The following ST18 variants were observed in gnomAD, a reference collection of about 807,000 sequenced individuals.
ST18 encodes suppression of tumorigenicity 18 protein.
A neutral mutation model predicts 110.0 loss-of-function variants in ST18; 50 were observed. The observed-to-expected ratio is 0.45, with a 90% confidence interval of 0.36 to 0.58. The LOEUF (loss-of-function observed/expected upper bound fraction) is 0.58, where lower values mean the gene tolerates loss of function less well. ST18 is among the 20% of genes least tolerant of loss of function. The probability of loss-of-function intolerance (pLI) is 0.00; values close to 1 mark genes in which losing one functional copy is unlikely to be tolerated. For synonymous variants in ST18, 461 were observed against 452.4 expected (o/e 1.02, Z -0.24); for missense variants, 1,306 against 1,280.1 (o/e 1.02, Z -0.31).
At chr8:52,342,071 G>A (rs754103054) in intron 2 of ST18, among the ~76,000 whole-genome samples, 2 of 152,186 alleles carry the variant, frequency 1.3e-5, no homozygotes, top group Non-Finnish European at 2.9e-5. Flanking sequence ...ACTTTTTAGT[G>A]TTCCTAAGAG....
rs2049922808 is a variant in ST18, at chr8:52,132,164, C to T, written c.2460G>A (p.Gly820=). 1 of 1,612,508 alleles carries T rather than the reference C, an allele frequency of 6.2e-7. No homozygotes were observed. Residue 820 remains glycine (G), a synonymous_variant, in exon 22 of 26, where the codon GGG becomes GGA. Transcript: ENST00000689386. ...CTGATATGTGACCTTGGCCATCACA[C>T]CCTATCACAGGACATCTAGAGAGAA... ...EDPELKCPVI[G]CDGQGHISGK...
chr8:52,339,959 G>GT (rs375188179), intron 2 of ST18, among the ~76,000 whole-genome samples: 74 of 152,264 alleles, frequency 4.9e-4, no homozygotes, highest in African/African-American at 1.7e-3. Flanking sequence ...GCTGTTTTCC[G>GT]TAAGTTACAT....
At position 52,204,025 on chromosome 8, in the gene ST18, C is replaced by T. The variant is rs2079027752; in HGVS notation, c.86+8054G>A. Among the ~76,000 whole-genome samples the T allele has an allele frequency of 3.3e-5, 5 of 152,180 alleles. No homozygotes were observed. In the South Asian group the frequency reaches 6.2e-4, roughly 19 times the overall value. ...AAAATAGCATCTTAAAAGTCTCCTT[C>T]CTTAAACTCTCATTTCTGATACATG... On this transcript the variant is annotated intron_variant, in intron 8 of 25. Coordinates refer to ENST00000689386, the MANE Select transcript of ST18 (RefSeq NM_001352837.2).
At chr8:52,368,522 T>G (rs967700616) in intron 2 of ST18, among the ~76,000 whole-genome samples, 1 of 152,188 alleles carries the variant, frequency 6.6e-6, no homozygotes, top group Non-Finnish European at 1.5e-5. Context: ...GCTGAAGTGA[T>G]ATTAACTAAA....
chr8:52,284,985 G>T (rs2095444804), intron 2 of ST18, among the ~76,000 whole-genome samples: 2 of 152,196 alleles, frequency 1.3e-5, no homozygotes, highest in African/African-American at 4.8e-5. Context: ...GGGAGGAAAT[G>T]TTGAACAACT....
chr8:52,281,910 T>A (rs540881357), intron 2 of ST18, among the ~76,000 whole-genome samples: 3 of 152,192 alleles, frequency 2.0e-5, no homozygotes, highest in Admixed American at 6.5e-5. Flanking sequence ...GGGAGATGGG[T>A]GAAGGATATA....
intron 2 of ST18, among the ~76,000 whole-genome samples, chr8:52,323,650 G>T (rs1008538622): frequency 3.3e-5 from 5 of 152,122 alleles, no homozygotes; most frequent in African/African-American, 1.2e-4. Context: ...ACTTGGTCTT[G>T]TTTAAATTTA....
intron 3 of ST18, among the ~76,000 whole-genome samples, chr8:52,224,935 C>A (rs1020651375): frequency 1.3e-5 from 2 of 152,136 alleles, no homozygotes; most frequent in Non-Finnish European, 2.9e-5. Context: ...CTTATAGAAC[C>A]TTTCAAAGAA....
intron 11 of ST18, among the ~76,000 whole-genome samples, chr8:52,166,203 T>C (rs1447955973): frequency 1.3e-5 from 2 of 152,202 alleles, no homozygotes; most frequent in East Asian, 1.9e-4. Flanking sequence ...TATTTTTATA[T>C]TCTGGTGATT....
chr8:52,137,315 A>G lies in ST18; in HGVS notation c.2231+106T>C. The G allele has an allele frequency of 2.5e-6, 3 of 1,178,920 alleles. No homozygotes were observed. The South Asian group carries it at 4.6e-5, about 18-fold the overall frequency. 73.0% of individuals were successfully genotyped at this position (1,178,920 alleles called of 1,614,324 possible). ...AAGAAAATAAACCAAAAACCCAACC[A>G]ACTCATTTCCTGCTTCAGATAATAC... On this transcript the variant is annotated intron_variant, in intron 18 of 25. Transcript: ENST00000689386.
At chr8:52,364,691 C>T (rs1022000089) in intron 2 of ST18, among the ~76,000 whole-genome samples, 1 of 152,150 alleles carries the variant, frequency 6.6e-6, no homozygotes, top group African/African-American at 2.4e-5. Context: ...TCTTTTCTTG[C>T]TCAAGATTTT....
intron 25 of ST18, among the ~76,000 whole-genome samples, chr8:52,115,254 G>A (rs911017401): frequency 3.9e-5 from 6 of 152,016 alleles, no homozygotes; most frequent in African/African-American, 1.4e-4. Flanking sequence ...TATAAAATAG[G>A]CATCTTTGGA....
At chr8:52,327,689 A>G (rs1480460684) in intron 2 of ST18, among the ~76,000 whole-genome samples, 1 of 152,202 alleles carries the variant, frequency 6.6e-6, no homozygotes, top group Non-Finnish European at 1.5e-5. Flanking sequence ...TCCCTCTGCC[A>G]GTGCCACCCA....
At chr8:52,394,534 T>C (rs957272405) in intron 2 of ST18, among the ~76,000 whole-genome samples, 1 of 152,160 alleles carries the variant, frequency 6.6e-6, no homozygotes, top group African/African-American at 2.4e-5. Context: ...GCAGGCTCTT[T>C]CCTGAATACC....
At chr8:52,132,921 G>A (rs1267737201) in intron 21 of ST18, 136 bp downstream of exon 21, 12 of 964,970 alleles carry the variant, frequency 1.2e-5, no homozygotes, top group Non-Finnish European at 1.9e-5. Context: ...CCACCAAATA[G>A]TTTGACTCTT....
At chr8:52,392,728 A>G (rs573785016) in intron 2 of ST18, among the ~76,000 whole-genome samples, 66 of 152,332 alleles carry the variant, frequency 4.3e-4, no homozygotes, top group Non-Finnish European at 8.5e-4. Flanking sequence ...TTCTGGAGTT[A>G]AAACACCCTC....
At chr8:52,233,975 AC>A (rs1441483725) in intron 2 of ST18, among the ~76,000 whole-genome samples, 1 of 152,136 alleles carries the variant, frequency 6.6e-6, no homozygotes, top group Non-Finnish European at 1.5e-5. Flanking sequence ...GAAACATTGC[AC>A]TTTGACTAAC....
chr8:52,197,318 A>G (rs1453421847), intron 8 of ST18, among the ~76,000 whole-genome samples: 1 of 152,250 alleles, frequency 6.6e-6, no homozygotes, highest in Non-Finnish European at 1.5e-5. Flanking sequence ...TAAAAAAATT[A>G]TCTCTGTAAC....
chr8:52,371,438 T>C (rs1191727640), intron 2 of ST18, among the ~76,000 whole-genome samples: 1 of 152,224 alleles, frequency 6.6e-6, no homozygotes, highest in African/African-American at 2.4e-5. Context: ...CTTTCACATA[T>C]GACAATGATG....
Sources: allele counts gnomAD v4.1 joint callset (sites outside exome capture counted in the v4.1 genomes callset), GRCh38; gene constraint gnomAD v4.1.1; transcripts MANE v1.5; gene names NCBI Gene and HGNC (gene_info 2026-07-23, HGNC 2026-07-21).